KLHL1: variants seen among roughly 807,000 people sequenced by gnomAD.
KLHL1 encodes the protein kelch-like protein 1.
KLHL1 carries 47 observed loss-of-function variants against 77.7 expected under a neutral mutation model. The observed-to-expected ratio is 0.60, with a 90% CI of 0.48 to 0.77. The LOEUF is 0.77. Among genes scored for constraint, KLHL1 ranks in the 30% least tolerant of loss-of-function variants. The pLI, the probability that KLHL1 is intolerant of heterozygous loss-of-function variation, is 0.00. For synonymous variants in KLHL1, 360 were observed against 325.2 expected, an observed-to-expected ratio of 1.11 and a Z score of -1.15; for missense variants, 925 against 910.8, an observed-to-expected ratio of 1.02 and a Z score of -0.20.
intron 1 of KLHL1, 38 bp downstream of exon 1, chr13:70,107,165 T>G (rs755922324): frequency 3.2e-6 from 5 of 1,542,406 alleles, no homozygotes; most frequent in Non-Finnish European, 4.4e-6. Context: ...GAGTGGAAAT[T>G]GAGAGATGCT....
chr13:69,787,091 A>AATTT (rs1317737792), intron 7 of KLHL1, among the ~76,000 whole-genome samples: 1 of 152,210 alleles, frequency 6.6e-6, no homozygotes, highest in East Asian at 1.9e-4. Context: ...TGCCCAAGGT[A>AATTT]ATTTATAGAT....
intron 10 of KLHL1, among the ~76,000 whole-genome samples, chr13:69,704,460 G>A (rs1261875261): frequency 1.3e-5 from 2 of 151,638 alleles, no homozygotes; most frequent in South Asian, 2.1e-4. Flanking sequence ...GACATACCAC[G>A]TGTTCTTCCT....
chr13:69,970,913 T>G (rs997424077), intron 2 of KLHL1, among the ~76,000 whole-genome samples: 4 of 152,156 alleles, frequency 2.6e-5, no homozygotes, highest in Non-Finnish European at 5.9e-5. Context: ...CAGTTCATCC[T>G]TTATGTTCAT....
chr13:69,760,052 T>C (rs1343596401), intron 7 of KLHL1, among the ~76,000 whole-genome samples: 3 of 152,188 alleles, frequency 2.0e-5, no homozygotes, highest in Non-Finnish European at 2.9e-5. Context: ...TTACAAAAGG[T>C]TTTTAAATAG....
chr13:69,716,877 C>T (rs1264434564), intron 9 of KLHL1, among the ~76,000 whole-genome samples: 2 of 152,252 alleles, frequency 1.3e-5, no homozygotes, highest in East Asian at 1.9e-4. Flanking sequence ...TAGATGACAT[C>T]TTCTGGACCT....
At chr13:69,825,129 T>C (rs1189008213) in intron 6 of KLHL1, among the ~76,000 whole-genome samples, 1 of 152,150 alleles carries the variant, frequency 6.6e-6, no homozygotes, top group Non-Finnish European at 1.5e-5. Context: ...TTCTCACTTT[T>C]TAATGTTTAA....
chr13:69,973,478 T>G (rs1884455579), intron 2 of KLHL1, among the ~76,000 whole-genome samples: 1 of 151,680 alleles, frequency 6.6e-6, no homozygotes, highest in Admixed American at 6.6e-5. Flanking sequence ...TTATTTGATA[T>G]TATTATAATA....
chr13:70,025,751 C>A (rs141387279), intron 1 of KLHL1, among the ~76,000 whole-genome samples: 182 of 151,734 alleles, frequency 1.2e-3, no homozygotes, highest in African/African-American at 4.3e-3. Flanking sequence ...AAAATATGTA[C>A]AGGCATATAT....
At chr13:69,985,306 G>T (rs79426988) in intron 1 of KLHL1, among the ~76,000 whole-genome samples, 23,623 of 151,918 alleles carry the variant, frequency 0.16, 3,895 homozygotes, top group African/African-American at 0.42. Context: ...CAATCTGAGT[G>T]TAAAATAGGC....
In KLHL1 at chr13:69,851,623, A is replaced by G. The variant is rs1177598987; in HGVS notation, c.1228-12461T>C. Among the ~76,000 whole-genome samples the G allele has an allele frequency of 4.0e-5, 6 of 151,824 alleles. 1 individual carries two copies. On this transcript the variant is annotated intron_variant, in intron 5 of 10. Coordinates refer to ENST00000377844, the MANE Select transcript of KLHL1 (RefSeq NM_020866.3). ...AATACAATTAATCTTAGAATAAAAG[A>G]TATTAATAGACATTGGTATTTCCCT... is the stretch of plus-strand genomic sequence containing the variant.
At chr13:69,753,814 A>C (rs1874587756) in intron 7 of KLHL1, among the ~76,000 whole-genome samples, 1 of 150,202 alleles carries the variant, frequency 6.7e-6, no homozygotes, top group Non-Finnish European at 1.5e-5. Flanking sequence ...TTCCATGTTC[A>C]TTTTCCATAA....
At chr13:69,732,125 A>G (rs1174850687) in intron 8 of KLHL1, among the ~76,000 whole-genome samples, 2 of 152,176 alleles carry the variant, frequency 1.3e-5, no homozygotes, top group Non-Finnish European at 2.9e-5. Flanking sequence ...TTAAGTCTGC[A>G]TCGGAGATAC....
rs149428819 is a variant in KLHL1 at position 70,028,804 on chromosome 13, T to G, written c.498-53002A>C. Among the ~76,000 whole-genome samples the G allele has an allele frequency of 9.2e-5, 14 of 152,056 alleles. No individual in the cohort carries two copies. The East Asian group carries it at 2.5e-3, about 28-fold the overall frequency. Reference sequence around the variant, plus strand: ...CCAACCTTCGCAATGTGGCGAAACTTCATCTCTACAGAAAATACAAAAATT... The same window carrying G: ...CCAACCTTCGCAATGTGGCGAAACTGCATCTCTACAGAAAATACAAAAATT... On this transcript the variant is annotated intron_variant, in intron 1 of 10. Coordinates refer to ENST00000377844, the MANE Select transcript of KLHL1 (RefSeq NM_020866.3).
chr13:69,883,413 C>A (rs547583640), intron 4 of KLHL1, among the ~76,000 whole-genome samples: 38 of 152,276 alleles, frequency 2.5e-4, no homozygotes, highest in African/African-American at 8.2e-4. Flanking sequence ...TGTCACATTT[C>A]AAGATTCAAT....
At chr13:69,810,371 A>G (rs548220067) in intron 6 of KLHL1, among the ~76,000 whole-genome samples, 24 of 152,230 alleles carry the variant, frequency 1.6e-4, no homozygotes, top group African/African-American at 5.5e-4. Context: ...AAAAACAGAC[A>G]TAAACACTGG....
intron 8 of KLHL1, among the ~76,000 whole-genome samples, chr13:69,738,323 A>G (rs1873848175): frequency 6.6e-6 from 1 of 152,176 alleles, no homozygotes; most frequent in Admixed American, 6.5e-5. Context: ...AAACTCAAAA[A>G]GCCAGAGTGC....
chr13:70,070,538 A>T (rs1887114274), intron 1 of KLHL1, among the ~76,000 whole-genome samples: 1 of 147,920 alleles, frequency 6.8e-6, no homozygotes, highest in South Asian at 2.1e-4. Flanking sequence ...ACATTAAGGA[A>T]AAATAAAAAA....
At chr13:69,915,391 A>G (rs1882391679) in intron 4 of KLHL1, among the ~76,000 whole-genome samples, 1 of 152,230 alleles carries the variant, frequency 6.6e-6, no homozygotes, top group South Asian at 2.1e-4. Context: ...GTACCAAAAC[A>G]GAGATATAGA....
chr13:70,054,653 A>T lies in KLHL1; in HGVS notation c.497+52550T>A, dbSNP rs574880487. The stretch of plus-strand genomic sequence containing the variant: ...TAAAATAGCTATTTTGATAAAGCCA[A>T]ACAAAATTCAAGATAACCCAGAGAA... On this transcript the variant is annotated intron_variant, in intron 1 of 10. Coordinates refer to ENST00000377844, the MANE Select transcript of KLHL1 (RefSeq NM_020866.3). Among the ~76,000 whole-genome samples the T allele has an allele frequency of 2.0e-5, 3 of 152,172 alleles. No individual in the cohort carries two copies. The South Asian group carries it at 6.2e-4, about 31-fold the overall frequency.
Sources: gnomAD v4.1 joint callset for allele counts (sites outside exome capture counted in the v4.1 genomes callset) on GRCh38, gnomAD v4.1.1 for gene constraint, MANE v1.5 for transcripts, NCBI Gene and HGNC (gene_info 2026-07-23, HGNC 2026-07-21) for gene names.